Variants in HECA observed in about 807,000 individuals in gnomAD.
The protein encoded by HECA is HECA ribonucleoprotein granule regulator.
HECA carries 13 observed loss-of-function variants against 37.6 expected under a neutral mutation model. The ratio of observed to expected loss-of-function variants is 0.35; its 90% CI spans 0.23 to 0.55. The LOEUF is 0.55. Among genes scored for constraint, HECA ranks in the 20% least tolerant of loss-of-function variants. The pLI is 0.90. For missense variants in HECA, 527 were observed against 701.9 expected, an observed-to-expected ratio of 0.75 and a Z score of 2.82; for synonymous variants, 307 against 291.5, an observed-to-expected ratio of 1.05 and a Z score of -0.54.
At position 139,141,753 on chromosome 6, in the gene HECA, CTT is replaced by C. The variant is rs200706578; in HGVS notation, c.271+6103_271+6104del. 1.6e-3 allele frequency among the ~76,000 whole-genome samples: 125 copies of C among 78,160 alleles called. 2 individuals are homozygous for C. The South Asian group carries it at 0.031, about 19-fold the overall frequency. The allele number at this position is 78,160 out of a possible 152,430, so 51.3% of individuals were successfully genotyped here. The stretch of plus-strand genomic sequence containing the variant: ...AGAGCCCTCATGGCCTAAACACCTT[CTT>C]TTTTTTTTTTTTTTTTGAGACAGAG... On this transcript the variant is annotated intron_variant, in intron 1 of 3. Transcript: ENST00000367658.
At chr6:139,141,496 A>C (rs920674495) in intron 1 of HECA, among the ~76,000 whole-genome samples, 81 of 152,308 alleles carry the variant, frequency 5.3e-4, no homozygotes, top group African/African-American at 1.8e-3. Flanking sequence ...TTGTCCACTT[A>C]ATTACTTCAT....
intron 1 of HECA, among the ~76,000 whole-genome samples, chr6:139,140,099 A>G (rs981215656): frequency 1.3e-5 from 2 of 152,190 alleles, no homozygotes; most frequent in African/African-American, 4.8e-5. Flanking sequence ...ATTTTGCTGC[A>G]TATTTAGGCC....
At chr6:139,164,445 C>T (rs538306790) in intron 1 of HECA, among the ~76,000 whole-genome samples, 1 of 152,214 alleles carries the variant, frequency 6.6e-6, no homozygotes, top group South Asian at 2.1e-4. Context: ...TGTTTGCTTC[C>T]TGTAGTGTGC....
rs1391679345 is a variant in HECA at position 139,177,078 on chromosome 6, C to T, written c.1605C>T (p.Ser535=). 3.5e-6 allele frequency: 3 copies of T among 862,348 alleles called. No individual in the cohort carries two copies. The highest frequency in any genetic ancestry group is 1.7e-5 in the Admixed American group (1 of 59,018). 53.4% of individuals were successfully genotyped at this position (862,348 alleles called of 1,614,324 possible). The change falls in exon 4 of 4, where the codon TCC becomes TCT. Residue 535 remains serine (S), a synonymous_variant. Coordinates refer to ENST00000367658, the MANE Select transcript of HECA (RefSeq NM_016217.3). The surrounding 1 kb of genome is among the most constrained non-coding windows in gnomAD (Gnocchi z 4.9). ...NLDYHFVKPF[S]SFKVLEAY is the part of the protein sequence containing the mutation. Reference sequence around the variant, plus strand: ...ACTACCACTTCGTGAAGCCATTTTCCTCCTTCAAAGTTCTCGAAGCTTATT... The same window carrying T: ...ACTACCACTTCGTGAAGCCATTTTCTTCCTTCAAAGTTCTCGAAGCTTATT...
chr6:139,162,852 C>T (rs745761350), intron 1 of HECA, among the ~76,000 whole-genome samples: 10 of 152,148 alleles, frequency 6.6e-5, no homozygotes, highest in Non-Finnish European at 1.2e-4. Flanking sequence ...TGTCTTTAAG[C>T]TGTCGTGAGG....
rs529104889 is a variant in HECA, at chr6:139,166,594, G to T, written c.582G>T (p.Val194=). 4 of 1,614,266 alleles carry T rather than the reference G, an allele frequency of 2.5e-6. No homozygotes were observed. The East Asian group carries it at 6.7e-5, about 27-fold the overall frequency. Residue 194 remains valine (V), a synonymous_variant, in exon 2 of 4, where the codon GTG becomes GTT. Transcript: ENST00000367658. The stretch of plus-strand genomic sequence containing the variant: ...AGAAGGACACAGACTGGTATCAGGT[G>T]AAGCGGATGCAGGACGAGAAAAAGA... ...HLKKDTDWYQ[V]KRMQDEKKKK...
rs913811849 is a variant in HECA, at chr6:139,166,737, G to A, written c.725G>A (p.Arg242Gln). 5 of 1,613,276 alleles carry A rather than the reference G, an allele frequency of 3.1e-6. No individual in the cohort carries two copies. Among genetic ancestry groups the A allele is most frequent in the African/African-American group, 1.3e-5 (1 of 75,060 alleles). ...GGCCCAAGCCACGACCTCCCCCGCC[G>A]GCATTCCATGGACCGGCAGAACTCC... Reference protein sequence around the residue: ...QKGPSHDLPRRHSMDRQNSQE... With the variant: ...QKGPSHDLPRQHSMDRQNSQE... Residue 242 changes from arginine (R) to glutamine (Q), a missense_variant, in exon 2 of 4, where the codon CGG becomes CAG. Around this residue, in one of 4 missense-constraint regions of HECA, gnomAD observed 228 missense variants for 259.8 expected, o/e 0.88. Coordinates refer to ENST00000367658, the MANE Select transcript of HECA (RefSeq NM_016217.3).
At chr6:139,145,880 T>C (rs968028382) in intron 1 of HECA, among the ~76,000 whole-genome samples, 2 of 152,196 alleles carry the variant, frequency 1.3e-5, no homozygotes, top group Non-Finnish European at 2.9e-5. Context: ...GATGAGTCGC[T>C]CTTCCTTGGT....
intron 1 of HECA, among the ~76,000 whole-genome samples, chr6:139,141,026 G>A (rs1383808534): frequency 6.6e-6 from 1 of 152,168 alleles, no homozygotes; most frequent in African/African-American, 2.4e-5. Flanking sequence ...TCCTGACATC[G>A]AGATCCGCCC....
At chr6:139,153,550 G>A (rs1025076738) in intron 1 of HECA, among the ~76,000 whole-genome samples, 18 of 151,808 alleles carry the variant, frequency 1.2e-4, no homozygotes, top group African/African-American at 4.4e-4. Context: ...AGCCTCACGA[G>A]TAGCTGGGAT....
At chr6:139,173,376 A>AG (rs1582950569) in intron 2 of HECA, among the ~76,000 whole-genome samples, 1 of 152,172 alleles carries the variant, frequency 6.6e-6, no homozygotes, top group African/African-American at 2.4e-5. Context: ...TCAAGGAGGA[A>AG]GGGGGTCATG....
At chr6:139,153,417 T>C (rs1774675603) in intron 1 of HECA, among the ~76,000 whole-genome samples, 1 of 151,910 alleles carries the variant, frequency 6.6e-6, no homozygotes, top group Non-Finnish European at 1.5e-5. Context: ...ATTTAAAAAA[T>C]AATGTAATTT....
chr6:139,160,595 C>A (rs1009452922), intron 1 of HECA, among the ~76,000 whole-genome samples: 1 of 152,086 alleles, frequency 6.6e-6, no homozygotes, highest in African/African-American at 2.4e-5. Flanking sequence ...TTAAAATTTT[C>A]ATGGAGACGG....
chr6:139,166,017 G>T (rs12198762), intron 1 of HECA: 6 of 353,192 alleles, frequency 1.7e-5, no homozygotes, highest in Non-Finnish European at 3.0e-5. Flanking sequence ...CTATGTTCCA[G>T]CGGCTTTCTG....
intron 1 of HECA, among the ~76,000 whole-genome samples, chr6:139,152,787 A>T (rs556949753): frequency 3.3e-5 from 5 of 152,234 alleles, no homozygotes; most frequent in Non-Finnish European, 5.9e-5. Context: ...GGAAATTTAT[A>T]TTAAAACCTT....
Position 139,176,908 on chromosome 6 carries a change from G to T in HECA, c.1468-33G>T, listed in dbSNP as rs1334696478. On this transcript the variant is annotated intron_variant, in intron 3 of 3. Transcript: ENST00000367658. This position sits in a 1 kb window ranked among gnomAD's most constrained non-coding sequence, Gnocchi z 4.5. The stretch of plus-strand genomic sequence containing the variant: ...TTTGACAAGTGTTGGGAAGTGGAGG[G>T]GTGTTGTGGCTGATGGTGTCTGTTT... The T allele has an allele frequency of 1.2e-6, 1 of 852,562 alleles. No homozygotes were observed. The highest frequency in any genetic ancestry group is 1.6e-5 in the African/African-American group (1 of 61,068). 52.8% of individuals were successfully genotyped at this position (852,562 alleles called of 1,614,324 possible).
intron 1 of HECA, among the ~76,000 whole-genome samples, chr6:139,145,950 C>T (rs1774579314): frequency 6.6e-6 from 1 of 152,012 alleles, no homozygotes; most frequent in African/African-American, 2.4e-5. Flanking sequence ...TGCTTTTAGG[C>T]CAGTAAGAGA....
At chr6:139,152,146 C>T (rs1371868226) in intron 1 of HECA, among the ~76,000 whole-genome samples, 1 of 152,156 alleles carries the variant, frequency 6.6e-6, no homozygotes, top group African/African-American at 2.4e-5. Flanking sequence ...TCTTTTGGGT[C>T]TTGACGTGTC....
intron 2 of HECA, among the ~76,000 whole-genome samples, chr6:139,167,996 A>T (rs1254966257): frequency 1.3e-5 from 2 of 152,198 alleles, no homozygotes; most frequent in African/African-American, 4.8e-5. Context: ...TAAAGATGAG[A>T]CACATCACAT....
Sources: gnomAD v4.1 joint callset for allele counts (sites outside exome capture counted in the v4.1 genomes callset) on GRCh38, gnomAD v4.1.1 for gene constraint, gnomAD v4.1.1 regional missense constraint, Gnocchi (gnomAD v3.1) non-coding constraint, MANE v1.5 for transcripts, NCBI Gene and HGNC (gene_info 2026-07-23, HGNC 2026-07-21) for gene names.